Variants in VAC14 observed in about 807,000 individuals in gnomAD.
VAC14 encodes protein VAC14 homolog.
In VAC14, 47 loss-of-function variants were observed where a neutral mutation model predicts 85.3. The observed-to-expected ratio is 0.55, with a 90% CI of 0.44 to 0.70. The LOEUF is 0.70. Among genes scored for constraint, VAC14 ranks in the 30% least tolerant of loss-of-function variants. VAC14 has a pLI of 0.00. For synonymous variants in VAC14, 447 were observed against 430.5 expected, an observed-to-expected ratio of 1.04 and a Z score of -0.47; for missense variants, 861 against 1,004.3, an observed-to-expected ratio of 0.86 and a Z score of 1.93.
Position 70,698,721 on chromosome 16 carries a change from G to A in VAC14, c.1752C>T (p.Thr584=). 6.2e-7 allele frequency: 1 copy of A among 1,614,220 alleles called. No homozygotes were observed. Among genetic ancestry groups the A allele is most frequent in the Non-Finnish European group, 8.5e-7 (1 of 1,180,034 alleles). The change falls in exon 15 of 19, where the codon ACC becomes ACT. Residue 584 remains threonine (T), a synonymous_variant. Coordinates refer to ENST00000261776, the MANE Select transcript of VAC14 (RefSeq NM_018052.5). ...LREEDLKFAS[T]MVHALNTILL... ...GGATGGTGTTGAGGGCGTGGACCAT[G>A]GTCGAGGCGAACTTGAGGTCCTCCT...
chr16:70,740,351 T>A (rs1181518983), intron 13 of VAC14, among the ~76,000 whole-genome samples: 1 of 152,092 alleles, frequency 6.6e-6, no homozygotes, highest in Non-Finnish European at 1.5e-5. Flanking sequence ...AGTCCTAGGG[T>A]GACCTTTGGC....
intron 1 of VAC14, among the ~76,000 whole-genome samples, chr16:70,796,680 C>T (rs1055641277): frequency 6.6e-6 from 1 of 152,154 alleles, no homozygotes; most frequent in Non-Finnish European, 1.5e-5. Context: ...ATACCATGGC[C>T]AAACCAAAGG....
intron 9 of VAC14, among the ~76,000 whole-genome samples, chr16:70,775,855 T>A (rs1394609714): frequency 6.6e-6 from 1 of 152,254 alleles, no homozygotes; most frequent in Non-Finnish European, 1.5e-5. Flanking sequence ...ATCTCTCCTG[T>A]GCTTTCATGC....
rs1179985100 is a variant in VAC14 at position 70,800,929 on chromosome 16, C to G, written c.-29G>C. 3 of 1,527,040 alleles carry G rather than the reference C, an allele frequency of 2.0e-6. No individual in the cohort carries two copies. Among genetic ancestry groups the G allele is most frequent in the Non-Finnish European group, 2.6e-6 (3 of 1,133,636 alleles). The allele number at this position is 1,527,040 out of a possible 1,614,324, so 94.6% of individuals were successfully genotyped here. ...GGCAGCTGGGGGAACCTCGCGACTC[C>G]TTAGCCCGCGGCTGCCGGGGCCGCG... On this transcript the variant is annotated 5_prime_UTR_variant, in exon 1 of 19. Coordinates refer to ENST00000261776, the MANE Select transcript of VAC14 (RefSeq NM_018052.5).
chr16:70,772,066 C>T (rs546090184), intron 10 of VAC14, 43 bp downstream of exon 10: 31 of 1,592,672 alleles, frequency 1.9e-5, no homozygotes, highest in African/African-American at 1.2e-4. Context: ...AGATCTAGGC[C>T]GCTCGCTTTC....
chr16:70,784,017 GGA>G, intron 5 of VAC14, 94 bp downstream of exon 5: 1 of 968,720 alleles, frequency 1.0e-6, no homozygotes, highest in Non-Finnish European at 1.6e-6. Flanking sequence ...GGGAGAACAT[GGA>G]GGGTTCCTAT....
At chr16:70,706,621 C>G (rs1420226649) in intron 14 of VAC14, among the ~76,000 whole-genome samples, 1 of 152,214 alleles carries the variant, frequency 6.6e-6, no homozygotes, top group Admixed American at 6.5e-5. Flanking sequence ...AAGCGATTCT[C>G]TTGCCTTGGT....
In VAC14 at chr16:70,722,477, G is replaced by T. The variant is rs531549737; in HGVS notation, c.1661+9018C>A. ...GGGTGTGTTTCTGTGACGGGGCCAG[G>T]GTTGTGGGGGTTCTGTGATCTTCGT... On this transcript the variant is annotated intron_variant, in intron 14 of 18. Coordinates refer to ENST00000261776, the MANE Select transcript of VAC14 (RefSeq NM_018052.5). Among the ~76,000 whole-genome samples the T allele has an allele frequency of 1.2e-4, 18 of 152,356 alleles. No individual in the cohort carries two copies. In the South Asian group the frequency reaches 2.3e-3, roughly 19 times the overall value.
intron 14 of VAC14, chr16:70,700,326 G>T (rs552638831): frequency 6.6e-6 from 1 of 152,176 alleles, no homozygotes. Context: ...AGGGGGTGGC[G>T]GCCGCACGAG....
At chr16:70,729,204 C>T (rs1354935068) in intron 14 of VAC14, among the ~76,000 whole-genome samples, 1 of 152,190 alleles carries the variant, frequency 6.6e-6, no homozygotes, top group Non-Finnish European at 1.5e-5. Flanking sequence ...CTACAGGGCG[C>T]AGGACAGCTG....
At chr16:70,698,907 G>A (rs2053767018) in intron 14 of VAC14, 96 bp from the exon 15 acceptor site, 1 of 1,341,890 alleles carries the variant, frequency 7.5e-7, no homozygotes. Flanking sequence ...CAGCGTCCTG[G>A]GGAAACTGCT....
At chr16:70,781,044 G>A in intron 8 of VAC14, 105 bp from the exon 9 acceptor site, 1 of 1,513,616 alleles carries the variant, frequency 6.6e-7, no homozygotes, top group Non-Finnish European at 9.0e-7. Flanking sequence ...CTGGTGGGAG[G>A]GGTTTCGGTC....
chr16:70,690,318 C>T (rs2142981708), intron 18 of VAC14: 1 of 985,578 alleles, frequency 1.0e-6, no homozygotes, highest in Non-Finnish European at 1.2e-6. Context: ...GCTCTCCCTG[C>T]CCCACCTAAT....
rs781346075 is a variant in VAC14 at position 70,772,101 on chromosome 16, C to T, written c.1160+8G>A. 1 of 1,613,844 alleles carries T rather than the reference C, an allele frequency of 6.2e-7. No individual in the cohort carries two copies. The highest frequency in any genetic ancestry group is 2.2e-5 in the East Asian group (1 of 44,886). ...CCACAAACCTTCTGGCTGAAACAAG[C>T]CACTTACCTGGCTGCAGTGAAGACA... On this transcript the variant is annotated splice_region_variant and intron_variant, in intron 10 of 18. Coordinates refer to ENST00000261776, the MANE Select transcript of VAC14 (RefSeq NM_018052.5).
At chr16:70,766,796 C>A (rs1404013504) in intron 10 of VAC14, among the ~76,000 whole-genome samples, 1 of 152,162 alleles carries the variant, frequency 6.6e-6, no homozygotes, top group South Asian at 2.1e-4. Flanking sequence ...CAGCTGCTGT[C>A]GGCTCCCAGC....
chr16:70,780,927 A>G lies in VAC14; in HGVS notation c.959T>C (p.Val320Ala), dbSNP rs2033780508. The G allele has an allele frequency of 6.2e-7, 1 of 1,614,072 alleles. No individual in the cohort carries two copies. Among genetic ancestry groups the G allele is most frequent in the Non-Finnish European group, 8.5e-7 (1 of 1,179,992 alleles). ...CAGGCTCTGGTTGCACACGTTGGCCACTTCTTTGATGCCTGAGTCCACTGA... is the reference window on the plus strand; with the variant it reads ...CAGGCTCTGGTTGCACACGTTGGCCGCTTCTTTGATGCCTGAGTCCACTGA... Reference protein sequence around the residue: ...YDDRKKSIKEVANVCNQSLMK... With the variant: ...YDDRKKSIKEAANVCNQSLMK... The change falls in exon 9 of 19, where the codon GTG (valine) becomes GCG (alanine). Residue 320 changes from valine to alanine, a missense_variant. Physicochemically the swap from Val to Ala is moderately conservative, Grantham distance 64 (BLOSUM62 0). Coordinates refer to ENST00000261776, the MANE Select transcript of VAC14 (RefSeq NM_018052.5).
In VAC14 at chr16:70,785,760, T is replaced by C; in HGVS notation, c.365A>G (p.Lys122Arg). Residue 122 changes from lysine (K) to arginine (R), a missense_variant, in exon 3 of 19, where the codon AAG becomes AGG. Around this residue, in one of 3 missense-constraint regions of VAC14, gnomAD observed 629 missense variants for 703.1 expected, o/e 0.89. Transcript: ENST00000261776. ...YACEALYNIVKVARGAVLPHF... is the reference protein window; with the variant it reads ...YACEALYNIVRVARGAVLPHF... ...GGGCAGCACAGCGCCCCGGGCCACC[T>C]TGACGATGTTGTAGAGGGCCTCGCA... The C allele has an allele frequency of 6.3e-7, 1 of 1,579,920 alleles. No homozygotes were observed.
intron 14 of VAC14, chr16:70,699,113 G>T (rs1322056678): frequency 6.2e-6 from 2 of 321,546 alleles, no homozygotes; most frequent in Admixed American, 8.1e-5. Context: ...ACCCAAAATA[G>T]TTCCTGAGAT....
intron 10 of VAC14, among the ~76,000 whole-genome samples, chr16:70,765,254 C>G (rs1024912352): frequency 2.0e-5 from 3 of 152,186 alleles, no homozygotes; most frequent in African/African-American, 7.2e-5. Context: ...ACAGTACCCC[C>G]TGGGAGGAAG....
Sources: allele counts gnomAD v4.1 joint callset (sites outside exome capture counted in the v4.1 genomes callset), GRCh38; gene constraint gnomAD v4.1.1; regional missense constraint gnomAD v4.1.1; transcripts MANE v1.5; gene names NCBI Gene and HGNC (gene_info 2026-07-23, HGNC 2026-07-21).